SGSM2: variants seen among roughly 807,000 people sequenced by gnomAD.
The protein encoded by SGSM2 is RUN and TBC1 domain containing 1.
In SGSM2, 89 loss-of-function variants were observed where a neutral mutation model predicts 126.6. That is an observed-to-expected ratio of 0.70 (90% CI 0.59 to 0.84). SGSM2 has a LOEUF of 0.84. SGSM2 is among the 40% of genes least tolerant of loss of function. SGSM2 has a pLI of 0.00. For missense variants in SGSM2, 1,404 were observed against 1,416.6 expected, an observed-to-expected ratio of 0.99 and a Z score of 0.14; for synonymous variants, 614 against 574.3, an observed-to-expected ratio of 1.07 and a Z score of -0.99.
chr17:2,377,718 G>A (rs538630122), intron 21 of SGSM2, 139 bp from the exon 22 acceptor site: 9 of 628,412 alleles, frequency 1.4e-5, no homozygotes, highest in East Asian at 2.8e-5. Context: ...AGAGTGCACC[G>A]CGCAGCACAG....
Position 2,363,536 on chromosome 17 carries a change from G to A in SGSM2, c.744G>A (p.Glu248=). The change falls in exon 7 of 24, where the codon GAG becomes GAA. Residue 248 remains glutamate (E), a synonymous_variant. Coordinates refer to ENST00000268989, the MANE Select transcript of SGSM2 (RefSeq NM_014853.3). The surrounding 1 kb of genome is among the most constrained non-coding windows in gnomAD (Gnocchi z 4.2). ...RLAACARECV[E]SLHQNSRTRL... is the part of the protein sequence containing the mutation. ...CTGCCTGTGCCCGCGAGTGTGTGGAGTCCCTGCACCAGAACTCACGGACGC... is the reference window on the plus strand; with the variant it reads ...CTGCCTGTGCCCGCGAGTGTGTGGAATCCCTGCACCAGAACTCACGGACGC... The A allele has an allele frequency of 6.2e-7, 1 of 1,613,600 alleles. No homozygotes were observed. The highest frequency in any genetic ancestry group is 1.3e-5 in the African/African-American group (1 of 75,074).
chr17:2,340,689 T>A (rs369637460), intron 1 of SGSM2, among the ~76,000 whole-genome samples: 23 of 151,776 alleles, frequency 1.5e-4, no homozygotes, highest in East Asian at 3.9e-4. Context: ...GGTTCACGCC[T>A]TTCTCCTGCC....
chr17:2,351,184 C>T (rs887247445), intron 2 of SGSM2, among the ~76,000 whole-genome samples: 2 of 150,902 alleles, frequency 1.3e-5, no homozygotes, highest in Non-Finnish European at 3.0e-5. Context: ...ACCTGGCAGG[C>T]GGAGATTGCA....
At chr17:2,353,994 C>CA (rs11450494) in intron 2 of SGSM2, among the ~76,000 whole-genome samples, 1 of 151,488 alleles carries the variant, frequency 6.6e-6, no homozygotes, top group Non-Finnish European at 1.5e-5. Context: ...CTGCAACCTC[C>CA]TGGGCTGGGC....
Position 2,381,006 on chromosome 17 carries a change from G to T in SGSM2, c.*1486G>T, listed in dbSNP as rs985621619. 1 of 152,810 alleles carries T rather than the reference G, an allele frequency of 6.5e-6. No individual in the cohort carries two copies. The highest frequency in any genetic ancestry group is 1.5e-5 in the Non-Finnish European group (1 of 68,522). The allele number at this position is 152,810 out of a possible 1,614,324, so 9.5% of individuals were successfully genotyped here. On this transcript the variant is annotated 3_prime_UTR_variant, in exon 24 of 24. Transcript: ENST00000268989. ...CAGAGTGTGTATGATTTTTGCCTCA[G>T]AAACTATACTCTTCTGTGTAACAGA... is the stretch of plus-strand genomic sequence containing the variant.
At position 2,376,770 on chromosome 17, in the gene SGSM2, G is replaced by A. The variant is rs2066181508; in HGVS notation, c.2647G>A (p.Gly883Ser). The A allele has an allele frequency of 1.2e-6, 2 of 1,614,098 alleles. No homozygotes were observed. The highest frequency in any genetic ancestry group is 2.2e-5 in the East Asian group (1 of 44,886). ...GCACCTGGACGTGGGCTATGTGCAGGGCATGTGCGATCTGCTGGCGCCTCT... is the reference window on the plus strand; with the variant it reads ...GCACCTGGACGTGGGCTATGTGCAGAGCATGTGCGATCTGCTGGCGCCTCT... ...WEHLDVGYVQ[G>S]MCDLLAPLLV... Residue 883 changes from glycine to serine, a missense_variant, in exon 20 of 24, where the codon GGC (glycine) becomes AGC (serine). Transcript: ENST00000268989.
chr17:2,379,356 A>G (rs1227009682), intron 23 of SGSM2, 76 bp from the exon 24 acceptor site: 2 of 1,571,064 alleles, frequency 1.3e-6, no homozygotes, highest in East Asian at 2.3e-5. Context: ...ATGGAAACAG[A>G]GCAGGGTAGT....
chr17:2,362,148 G>C lies in SGSM2; in HGVS notation c.336G>C (p.Gln112His), dbSNP rs369240045. The C allele has an allele frequency of 1.9e-6, 3 of 1,613,824 alleles. No individual in the cohort carries two copies. The highest frequency in any genetic ancestry group is 1.1e-5 in the South Asian group (1 of 91,088). The change falls in exon 4 of 24, where the codon CAG becomes CAC. Residue 112 changes from glutamine (Q) to histidine (H), a missense_variant. Coordinates refer to ENST00000268989, the MANE Select transcript of SGSM2 (RefSeq NM_014853.3). The surrounding 1 kb of genome is among the most constrained non-coding windows in gnomAD (Gnocchi z 4.9). ...TCAGCCAGGAGGCCCTGCGGAGACAGGGCTCAGCCAGCGGGAAGGCCCCGG... is the reference window on the plus strand; with the variant it reads ...TCAGCCAGGAGGCCCTGCGGAGACACGGCTCAGCCAGCGGGAAGGCCCCGG... The part of the protein sequence containing the change: ...SGVSQEALRR[Q>H]GSASGKAPAL...
intron 2 of SGSM2, among the ~76,000 whole-genome samples, chr17:2,354,828 G>C (rs1013987058): frequency 5.9e-5 from 9 of 152,244 alleles, no homozygotes; most frequent in African/African-American, 2.2e-4. Flanking sequence ...GGTGAAATCA[G>C]TGTGTAAGGG....
At chr17:2,373,792 T>C (rs1014316536) in intron 17 of SGSM2, 7 of 428,276 alleles carry the variant, frequency 1.6e-5, no homozygotes, top group East Asian at 3.9e-5. Context: ...GAAGCCCTCC[T>C]CCTTGTAGAA....
chr17:2,337,667 C>G lies in SGSM2; in HGVS notation c.-22C>G. On this transcript the variant is annotated 5_prime_UTR_variant, in exon 1 of 24. Transcript: ENST00000268989. This position sits in a 1 kb window ranked among gnomAD's most constrained non-coding sequence, Gnocchi z 5.1. The stretch of plus-strand genomic sequence containing the variant: ...GGGCGCGGGGGCTCTGAGGACCGCT[C>G]GGCGCCGCCTCCTGCCACACCATGG... 6.9e-7 allele frequency: 1 copy of G among 1,453,038 alleles called. No individual in the cohort carries two copies. Among genetic ancestry groups the G allele is most frequent in the South Asian group, 1.3e-5 (1 of 74,948 alleles). The allele number at this position is 1,453,038 out of a possible 1,614,324, so 90.0% of individuals were successfully genotyped here.
chr17:2,341,679 T>C (rs1389305493), intron 1 of SGSM2, among the ~76,000 whole-genome samples: 1 of 152,172 alleles, frequency 6.6e-6, no homozygotes, highest in Non-Finnish European at 1.5e-5. Context: ...TAATCTCCAG[T>C]ACTAGGACTG....
intron 2 of SGSM2, among the ~76,000 whole-genome samples, chr17:2,349,149 G>T (rs1330435139): frequency 6.6e-6 from 1 of 152,010 alleles, no homozygotes; most frequent in Non-Finnish European, 1.5e-5. Context: ...GCTCAGCTGG[G>T]TGGATCACCT....
chr17:2,372,362 C>G lies in SGSM2; in HGVS notation c.1662C>G (p.His554Gln), dbSNP rs757884785. 6.3e-7 allele frequency: 1 copy of G among 1,592,500 alleles called. No homozygotes were observed. Among genetic ancestry groups the G allele is most frequent in the South Asian group, 1.1e-5 (1 of 89,092 alleles). ...AFYGWLAHCR[H>Q]LSTVRTHLSA... ...CCGCAGGGCTGGCACACTGCCGCCA[C>G]CTGTCCACGGTGCGGACCCACCTGT... The change falls in exon 15 of 24, where the codon CAC becomes CAG. Residue 554 changes from histidine to glutamine, a missense_variant. His to Gln is a conservative substitution (Grantham distance 24). Transcript: ENST00000268989. The surrounding 1 kb of genome is among the most constrained non-coding windows in gnomAD (Gnocchi z 6.0).
intron 2 of SGSM2, among the ~76,000 whole-genome samples, chr17:2,346,756 G>A (rs2064613413): frequency 6.6e-6 from 1 of 152,072 alleles, no homozygotes. Context: ...TGCCACCTCC[G>A]TGCCAGTGGA....
intron 2 of SGSM2, among the ~76,000 whole-genome samples, chr17:2,357,209 A>C (rs1230306015): frequency 6.6e-6 from 1 of 152,042 alleles, no homozygotes; most frequent in East Asian, 1.9e-4. Context: ...AGGGGTGTCC[A>C]ACAGTGTGCT....
At position 2,375,864 on chromosome 17, in the gene SGSM2, G is replaced by C. The variant is rs547116331; in HGVS notation, c.2473G>C (p.Ala825Pro). The C allele has an allele frequency of 5.3e-6, 8 of 1,523,462 alleles. No homozygotes were observed. The African/African-American group carries it at 1.1e-4, about 21-fold the overall frequency. 94.4% of individuals were successfully genotyped at this position (1,523,462 alleles called of 1,614,324 possible). Residue 825 changes from alanine (A) to proline (P), a missense_variant, in exon 18 of 24, where the codon GCT becomes CCT. Coordinates refer to ENST00000268989, the MANE Select transcript of SGSM2 (RefSeq NM_014853.3). ...AGEELAAVCA[A>P]AYTIELLDTV... ...AGAGGAGCTTGCGGCTGTGTGTGCG[G>C]CTGCCTACACTGTGCGTACATGCTC...
At chr17:2,366,060 T>C (rs2151586039) in intron 11 of SGSM2, among the ~76,000 whole-genome samples, 1 of 152,240 alleles carries the variant, frequency 6.6e-6, no homozygotes. Flanking sequence ...TCTTTTTGGA[T>C]GGTGAATATT....
intron 2 of SGSM2, among the ~76,000 whole-genome samples, chr17:2,345,700 C>T (rs2064571885): frequency 6.6e-6 from 1 of 151,960 alleles, no homozygotes; most frequent in Non-Finnish European, 1.5e-5. Context: ...CCAGCCTCTG[C>T]CAGTGTGCAG....
Sources: allele counts gnomAD v4.1 joint callset (sites outside exome capture counted in the v4.1 genomes callset), GRCh38; gene constraint gnomAD v4.1.1; non-coding constraint Gnocchi (gnomAD v3.1); transcripts MANE v1.5; gene names NCBI Gene and HGNC (gene_info 2026-07-23, HGNC 2026-07-21).